The following PPFIBP2 variants were observed in gnomAD, a reference collection of about 807,000 sequenced individuals.
PPFIBP2 encodes PPFIB scaffold protein 2.
In PPFIBP2, 118 loss-of-function variants were observed where a neutral mutation model predicts 118.3. The ratio of observed to expected loss-of-function variants is 1.00; its 90% CI spans 0.86 to 1.16. The LOEUF (loss-of-function observed/expected upper bound fraction) is 1.16, where lower values mean the gene tolerates loss of function less well. Among genes scored for constraint, PPFIBP2 ranks in the 50% most tolerant of loss-of-function variants. The pLI is 0.00. For synonymous variants in PPFIBP2, 414 were observed against 397.4 expected (o/e 1.04, Z -0.50); for missense variants, 1,195 against 1,073.1 (o/e 1.11, Z -1.59).
intron 7 of PPFIBP2, among the ~76,000 whole-genome samples, chr11:7,621,419 A>G (rs531435044): frequency 6.6e-6 from 1 of 152,324 alleles, no homozygotes; most frequent in Admixed American, 6.5e-5. Context: ...AGTTTTTCAA[A>G]AAAATAGGCA....
rs934998174 is a variant in PPFIBP2 at position 7,617,087 on chromosome 11, C to T, written c.619-3848C>T. ...GAGCTGTCTGACCTGGAGTGCTTTT[C>T]TCTTCTTTCTTTTCCTTCCTACAGT... On this transcript the variant is annotated intron_variant, in intron 6 of 23. Transcript: ENST00000299492. The T allele has an allele frequency of 1.0e-5, 10 of 984,238 alleles. No homozygotes were observed. The African/African-American group carries it at 1.6e-4, about 15-fold the overall frequency. The allele number at this position is 984,238 out of a possible 1,614,324, so 61.0% of individuals were successfully genotyped here.
chr11:7,603,653 A>C (rs1423727072), intron 5 of PPFIBP2, among the ~76,000 whole-genome samples: 2 of 152,160 alleles, frequency 1.3e-5, no homozygotes, highest in Non-Finnish European at 2.9e-5. Flanking sequence ...TTGAAAGGCA[A>C]ATTCTTTTTT....
chr11:7,542,871 T>C (rs375163785), intron 1 of PPFIBP2, among the ~76,000 whole-genome samples: 1 of 152,262 alleles, frequency 6.6e-6, no homozygotes, highest in East Asian at 1.9e-4. Flanking sequence ...CCTGCAATGT[T>C]TACCTGAGTT....
chr11:7,622,851 G>T (rs566260760), intron 7 of PPFIBP2, among the ~76,000 whole-genome samples: 1 of 152,128 alleles, frequency 6.6e-6, no homozygotes, highest in Non-Finnish European at 1.5e-5. Context: ...TGTACATACC[G>T]CCCTCTGTCA....
chr11:7,557,136 C>T (rs1853724454), intron 2 of PPFIBP2, among the ~76,000 whole-genome samples: 1 of 152,058 alleles, frequency 6.6e-6, no homozygotes, highest in Non-Finnish European at 1.5e-5. Flanking sequence ...TCACTTGTGT[C>T]TCTGTTTGCA....
At chr11:7,577,530 C>T (rs555336468) in intron 3 of PPFIBP2, 24 of 456,314 alleles carry the variant, frequency 5.3e-5, no homozygotes, top group South Asian at 3.6e-4. Context: ...GAGAACTGGT[C>T]TCCAGCCAGG....
intron 14 of PPFIBP2, among the ~76,000 whole-genome samples, chr11:7,639,442 A>G (rs1417853858): frequency 6.6e-6 from 1 of 152,230 alleles, no homozygotes; most frequent in Admixed American, 6.5e-5. Context: ...CCAGACAGCA[A>G]AGGCCGCTTT....
chr11:7,594,610 T>C (rs1859930145), intron 4 of PPFIBP2, among the ~76,000 whole-genome samples: 1 of 151,448 alleles, frequency 6.6e-6, no homozygotes, highest in Non-Finnish European at 1.5e-5. Flanking sequence ...GGTGAAACCC[T>C]GTCTCTACTG....
chr11:7,641,205 T>C, intron 15 of PPFIBP2: 3 of 842,440 alleles, frequency 3.6e-6, no homozygotes, highest in Non-Finnish European at 5.2e-6. Flanking sequence ...AAGAAGCTGC[T>C]TGTTGGAATA....
rs192858641 is a variant in PPFIBP2, at chr11:7,641,128, T to G, written c.1376-351T>G. 2.2e-5 allele frequency: 26 copies of G among 1,206,426 alleles called. No individual in the cohort carries two copies. In the Middle Eastern group the frequency reaches 6.5e-4, roughly 30 times the overall value. The allele number at this position is 1,206,426 out of a possible 1,614,324, so 74.7% of individuals were successfully genotyped here. On this transcript the variant is annotated intron_variant, in intron 15 of 23. Coordinates refer to ENST00000299492, the MANE Select transcript of PPFIBP2 (RefSeq NM_003621.5). ...TGCCTTTGTTTCCCTACCCTAACCC[T>G]CCCCTTCACCAGCACTCAGCCAGGG...
At chr11:7,652,936 C>T (rs1175618569) in intron 23 of PPFIBP2, 88 bp from the exon 24 acceptor site, 11 of 1,406,076 alleles carry the variant, frequency 7.8e-6, no homozygotes, top group Middle Eastern at 2.4e-4. Flanking sequence ...TCCTTGAGTG[C>T]CTGCTCTTAA....
Position 7,651,863 on chromosome 11 carries a change from C to A in PPFIBP2, c.2436+19C>A. ...AGTCCGGGTGAGTTGCAGAGCCTTT[C>A]TGGGTGGGCCCTGGGCTGCCTCCTG... is the stretch of plus-strand genomic sequence containing the variant. On this transcript the variant is annotated intron_variant, in intron 23 of 23. Coordinates refer to ENST00000299492, the MANE Select transcript of PPFIBP2 (RefSeq NM_003621.5). The A allele has an allele frequency of 6.3e-7, 1 of 1,598,774 alleles. No individual in the cohort carries two copies. Among genetic ancestry groups the A allele is most frequent in the East Asian group, 2.2e-5 (1 of 44,532 alleles).
At chr11:7,640,234 C>T (rs975981953) in intron 15 of PPFIBP2, among the ~76,000 whole-genome samples, 1 of 152,132 alleles carries the variant, frequency 6.6e-6, no homozygotes, top group African/African-American at 2.4e-5. Flanking sequence ...CTTCCTGCCC[C>T]TGGTGCTTCC....
chr11:7,619,343 G>A (rs970202287), intron 6 of PPFIBP2, among the ~76,000 whole-genome samples: 1 of 152,232 alleles, frequency 6.6e-6, no homozygotes, highest in African/African-American at 2.4e-5. Flanking sequence ...ATTCCAGACA[G>A]AGGGAATGTT....
Position 7,620,936 on chromosome 11 carries a change from A to T in PPFIBP2, c.620A>T (p.Glu207Val). 6.3e-7 allele frequency: 1 copy of T among 1,599,852 alleles called. No homozygotes were observed. Among genetic ancestry groups the T allele is most frequent in the Non-Finnish European group, 8.6e-7 (1 of 1,166,996 alleles). Residue 207 changes from glutamate (E) to valine (V), a missense_variant and splice_region_variant, in exon 7 of 24, where the codon GAG becomes GTG. By Grantham distance (121) the Glu-to-Val change is moderately radical. Coordinates refer to ENST00000299492, the MANE Select transcript of PPFIBP2 (RefSeq NM_003621.5). ...TTGTCTTTCTCCCTCATCCCCTAGGAGTTACTGCAAGAGCTCAGGCACCTC... is the reference window on the plus strand; with the variant it reads ...TTGTCTTTCTCCCTCATCCCCTAGGTGTTACTGCAAGAGCTCAGGCACCTC... ...EQEEKQRKAEELLQELRHLKI... is the reference protein window; with the variant it reads ...EQEEKQRKAEVLLQELRHLKI...
chr11:7,663,346 TTG>T, the PPFIBP2 span, among the ~76,000 whole-genome samples: 1 of 151,288 alleles, frequency 6.6e-6, no homozygotes, highest in Non-Finnish European at 1.5e-5. Context: ...TCCTTTCTGT[TTG>T]TTAGTTTTCC....
chr11:7,556,259 T>G (rs923919545), intron 2 of PPFIBP2, among the ~76,000 whole-genome samples: 5 of 152,056 alleles, frequency 3.3e-5, no homozygotes, highest in Non-Finnish European at 5.9e-5. Context: ...ATTGAGACCA[T>G]CCTGGCTAAC....
At chr11:7,565,524 ACT>A in intron 2 of PPFIBP2, 27 bp from the exon 3 acceptor site, 1 of 1,611,246 alleles carries the variant, frequency 6.2e-7, no homozygotes, top group Non-Finnish European at 8.5e-7. Flanking sequence ...CACCCTTCTT[ACT>A]GAGTTTTCAC....
intron 5 of PPFIBP2, among the ~76,000 whole-genome samples, chr11:7,603,445 C>T (rs571515982): frequency 6.6e-6 from 1 of 152,326 alleles, no homozygotes; most frequent in South Asian, 2.1e-4. Context: ...CCCTGCAAGA[C>T]CTGGGCCTTT....
Sources: allele counts gnomAD v4.1 joint callset (sites outside exome capture counted in the v4.1 genomes callset), GRCh38; gene constraint gnomAD v4.1.1; transcripts MANE v1.5; gene names NCBI Gene and HGNC (gene_info 2026-07-23, HGNC 2026-07-21).